The following ST3GAL1 variants were observed in gnomAD, a reference collection of about 807,000 sequenced individuals.
ST3GAL1 encodes ST3 beta-galactoside alpha-2,3-sialyltransferase 1.
In ST3GAL1, 16 loss-of-function variants were observed where a neutral mutation model predicts 34.1. The ratio of observed to expected loss-of-function variants is 0.47; its 90% CI spans 0.32 to 0.71. The LOEUF (loss-of-function observed/expected upper bound fraction) is 0.71. Among genes scored for constraint, ST3GAL1 ranks in the 30% least tolerant of loss-of-function variants. The pLI is 0.04. For missense variants in ST3GAL1, 353 were observed against 447.4 expected, an observed-to-expected ratio of 0.79 and a Z score of 1.90; for synonymous variants, 191 against 184.7, an observed-to-expected ratio of 1.03 and a Z score of -0.28.
chr8:133,505,023 A>G (rs1586625450), intron 2 of ST3GAL1, among the ~76,000 whole-genome samples: 1 of 152,110 alleles, frequency 6.6e-6, no homozygotes, highest in African/African-American at 2.4e-5. Flanking sequence ...AACTCTGCAG[A>G]CACCTGGGGG....
chr8:133,512,533 A>G (rs1476411415), intron 2 of ST3GAL1, among the ~76,000 whole-genome samples: 1 of 152,114 alleles, frequency 6.6e-6, no homozygotes, highest in African/African-American at 2.4e-5. Context: ...ACCTTTTATC[A>G]TTCAATCAAA....
At chr8:133,473,944 T>C (rs1391822749) in intron 5 of ST3GAL1, among the ~76,000 whole-genome samples, 6 of 152,302 alleles carry the variant, frequency 3.9e-5, no homozygotes, top group African/African-American at 1.4e-4. Flanking sequence ...CTTGGATCTT[T>C]GAAAGGGAAA....
At chr8:133,537,691 C>A (rs1818347905) in intron 2 of ST3GAL1, among the ~76,000 whole-genome samples, 1 of 152,188 alleles carries the variant, frequency 6.6e-6, no homozygotes, top group African/African-American at 2.4e-5. Context: ...CAGCATCCAT[C>A]TCCCCTGGGG....
intron 3 of ST3GAL1, among the ~76,000 whole-genome samples, chr8:133,493,648 C>T (rs1040507333): frequency 6.6e-5 from 10 of 152,128 alleles, no homozygotes; most frequent in African/African-American, 2.4e-4. Flanking sequence ...AGTTTGAGAC[C>T]GGCCTGGCCA....
intron 8 of ST3GAL1, 69 bp from the exon 9 acceptor site, chr8:133,462,063 T>G (rs1027449707): frequency 1.9e-6 from 3 of 1,604,046 alleles, no homozygotes; most frequent in Non-Finnish European, 2.6e-6. Context: ...GCCTGTCAGA[T>G]GTACATACTG....
intron 2 of ST3GAL1, among the ~76,000 whole-genome samples, chr8:133,533,043 C>T (rs1383015355): frequency 3.3e-5 from 5 of 152,288 alleles, no homozygotes; most frequent in Middle Eastern, 6.8e-3. Flanking sequence ...ACGTTTCCTT[C>T]AGAGGAATTA....
At chr8:133,546,844 C>T (rs1048376710) in intron 1 of ST3GAL1, among the ~76,000 whole-genome samples, 11 of 151,932 alleles carry the variant, frequency 7.2e-5, no homozygotes, top group African/African-American at 2.4e-4. Flanking sequence ...ACTAAAAACA[C>T]AAAAGTTAGC....
At chr8:133,538,713 C>CTCCT (rs2131058770) in intron 2 of ST3GAL1, among the ~76,000 whole-genome samples, 1 of 152,322 alleles carries the variant, frequency 6.6e-6, no homozygotes, top group East Asian at 1.9e-4. Context: ...TGGTTAAAAA[C>CTCCT]TCCTTGTGTG....
intron 1 of ST3GAL1, among the ~76,000 whole-genome samples, 168 bp from the exon 2 acceptor site, chr8:133,546,094 G>C (rs567023034): frequency 6.6e-6 from 1 of 152,248 alleles, no homozygotes; most frequent in East Asian, 1.9e-4. Context: ...TCTGTTCCCG[G>C]CACAGAGCCA....
chr8:133,503,235 A>G (rs1242076721), intron 2 of ST3GAL1, among the ~76,000 whole-genome samples: 1 of 140,048 alleles, frequency 7.1e-6, no homozygotes, highest in Non-Finnish European at 1.6e-5. Flanking sequence ...CAAGTATTCT[A>G]ACGCCCCCCA....
At chr8:133,510,901 G>A (rs981017098) in intron 2 of ST3GAL1, among the ~76,000 whole-genome samples, 2 of 152,178 alleles carry the variant, frequency 1.3e-5, no homozygotes, top group Non-Finnish European at 2.9e-5. Context: ...AATGAAGCAG[G>A]TGACTGCGGC....
chr8:133,537,030 C>T (rs1052515615), intron 2 of ST3GAL1, among the ~76,000 whole-genome samples: 1 of 152,112 alleles, frequency 6.6e-6, no homozygotes, highest in East Asian at 1.9e-4. Flanking sequence ...GAGATCAGTG[C>T]CCCAGACTGC....
At chr8:133,526,250 C>G (rs1817971833) in intron 2 of ST3GAL1, among the ~76,000 whole-genome samples, 1 of 152,194 alleles carries the variant, frequency 6.6e-6, no homozygotes, top group Non-Finnish European at 1.5e-5. Context: ...ATCCCTGTGT[C>G]TCCTAGACAC....
Position 133,528,552 on chromosome 8 carries a change from A to G in ST3GAL1, c.-429+17222T>C, listed in dbSNP as rs1171588623. Among the ~76,000 whole-genome samples the G allele has an allele frequency of 2.6e-5, 4 of 152,232 alleles. No individual in the cohort carries two copies. In the East Asian group the frequency reaches 7.7e-4, roughly 29 times the overall value. On this transcript the variant is annotated intron_variant, in intron 2 of 9. Transcript: ENST00000522652. ...CCTCTACAGCCTACACTGAGTCAAG[A>G]CCAGGGGTCATCGAATGACAGCCCA...
At chr8:133,526,751 G>T (rs1184268548) in intron 2 of ST3GAL1, among the ~76,000 whole-genome samples, 1 of 152,152 alleles carries the variant, frequency 6.6e-6, no homozygotes, top group African/African-American at 2.4e-5. Context: ...CAGAGTGGTT[G>T]CTTAGAAGAG....
intron 2 of ST3GAL1, among the ~76,000 whole-genome samples, chr8:133,535,982 A>G (rs968249651): frequency 3.3e-5 from 5 of 152,134 alleles, no homozygotes; most frequent in Non-Finnish European, 7.4e-5. Flanking sequence ...CAAGCCTGAA[A>G]TATCTCCACA....
In ST3GAL1 at chr8:133,564,078, T is replaced by C. The variant is rs181050745; in HGVS notation, c.-582+7615A>G. The stretch of plus-strand genomic sequence containing the variant: ...TTTGCTGTGTGTCTCTTGTTTAATT[T>C]CTTTTAAACTAAGGAGACAAGAACC... On this transcript the variant is annotated intron_variant, in intron 1 of 9. Coordinates refer to ENST00000522652, the MANE Select transcript of ST3GAL1 (RefSeq NM_173344.3). 2.4e-3 allele frequency among the ~76,000 whole-genome samples: 358 copies of C among 152,328 alleles called. 1 individual carries two copies. The highest frequency in any genetic ancestry group is 8.2e-3 in the African/African-American group (341 of 41,562).
chr8:133,529,277 C>T (rs183973224), intron 2 of ST3GAL1, among the ~76,000 whole-genome samples: 1 of 152,340 alleles, frequency 6.6e-6, no homozygotes, highest in East Asian at 1.9e-4. Flanking sequence ...AGGAATATGT[C>T]AGGCAAATGC....
rs573336036 is a variant in ST3GAL1, at chr8:133,454,955, C to T, written c.*4809G>A. 6.6e-6 allele frequency: 1 copy of T among 152,366 alleles called. No individual in the cohort carries two copies. Among genetic ancestry groups the T allele is most frequent in the South Asian group, 2.1e-4 (1 of 4,826 alleles). The allele number at this position is 152,366 out of a possible 1,614,324, so 9.4% of individuals were successfully genotyped here. On this transcript the variant is annotated 3_prime_UTR_variant, in exon 10 of 10. Coordinates refer to ENST00000522652, the MANE Select transcript of ST3GAL1 (RefSeq NM_173344.3). ...GAGGAAAGCAGGATCTTGCTGAAGT[C>T]ATTCGAATGCATCCCAACCAGTGCT...
Sources: gnomAD v4.1 joint callset for allele counts (sites outside exome capture counted in the v4.1 genomes callset) on GRCh38, gnomAD v4.1.1 for gene constraint, MANE v1.5 for transcripts, NCBI Gene and HGNC (gene_info 2026-07-23, HGNC 2026-07-21) for gene names.